The following SDK1 variants were observed in gnomAD, a reference collection of about 807,000 sequenced individuals.
SDK1 encodes the protein sidekick cell adhesion molecule 1, also known as protein sidekick-1.
SDK1 carries 157 observed loss-of-function variants against 245.5 expected under a neutral mutation model. The ratio of observed to expected loss-of-function variants is 0.64; its 90% CI spans 0.56 to 0.73. The LOEUF (loss-of-function observed/expected upper bound fraction) is 0.73. Among genes scored for constraint, SDK1 ranks in the 30% least tolerant of loss-of-function variants. The probability of loss-of-function intolerance (pLI) is 0.00; values close to 1 mark genes in which losing one functional copy is unlikely to be tolerated. For missense variants in SDK1, 3,583 were observed against 3,002.3 expected (o/e 1.19, Z -4.52); for synonymous variants, 1,647 against 1,278.5 (o/e 1.29, Z -6.15).
At chr7:3,332,213 T>C (rs1244426401) in intron 1 of SDK1, among the ~76,000 whole-genome samples, 1 of 152,236 alleles carries the variant, frequency 6.6e-6, no homozygotes, top group African/African-American at 2.4e-5. Flanking sequence ...AAAATTTCTT[T>C]ATTGAATTAT....
At chr7:3,576,856 G>A (rs942737609) in intron 1 of SDK1, among the ~76,000 whole-genome samples, 1 of 152,040 alleles carries the variant, frequency 6.6e-6, no homozygotes, top group African/African-American at 2.4e-5. Flanking sequence ...CAAAGCAGAA[G>A]TTGGTTACTA....
At chr7:3,779,477 A>T (rs1321195780) in intron 4 of SDK1, among the ~76,000 whole-genome samples, 1 of 151,614 alleles carries the variant, frequency 6.6e-6, no homozygotes, top group African/African-American at 2.4e-5. Context: ...AAAAACAAGG[A>T]CAAATTTAAC....
In SDK1 at chr7:4,073,026, C is replaced by G. The variant is rs371995638; in HGVS notation, c.3011-3972C>G. Reference sequence around the variant, plus strand: ...AGACAGTTTGTGATTGGATGCACTGCTCTCTTCTAGAGAATTTACTTTAGA... The same window carrying G: ...AGACAGTTTGTGATTGGATGCACTGGTCTCTTCTAGAGAATTTACTTTAGA... On this transcript the variant is annotated intron_variant, in intron 20 of 44. Coordinates refer to ENST00000404826, the MANE Select transcript of SDK1 (RefSeq NM_152744.4). Among the ~76,000 whole-genome samples the G allele has an allele frequency of 1.2e-4, 18 of 152,372 alleles. No homozygotes were observed. In the South Asian group the frequency reaches 3.3e-3, roughly 28 times the overall value.
intron 5 of SDK1, among the ~76,000 whole-genome samples, chr7:3,903,446 G>A (rs899405582): frequency 2.6e-5 from 4 of 151,938 alleles, no homozygotes; most frequent in Admixed American, 6.6e-5. Context: ...GCGCCCGGCC[G>A]ACAGTTTTTT....
intron 1 of SDK1, among the ~76,000 whole-genome samples, chr7:3,450,827 A>G (rs1443695037): frequency 6.6e-6 from 1 of 152,170 alleles, no homozygotes; most frequent in African/African-American, 2.4e-5. Flanking sequence ...AGGGATGAAG[A>G]TGGAGACATC....
At chr7:4,099,273 C>T (rs972342611) in intron 22 of SDK1, among the ~76,000 whole-genome samples, 2 of 151,112 alleles carry the variant, frequency 1.3e-5, no homozygotes, top group Non-Finnish European at 2.9e-5. Flanking sequence ...GATCGAGAGA[C>T]AAATGGCATT....
At chr7:3,830,570 A>C (rs889584744) in intron 5 of SDK1, among the ~76,000 whole-genome samples, 8 of 152,136 alleles carry the variant, frequency 5.3e-5, no homozygotes, top group Non-Finnish European at 1.0e-4. Context: ...TTCATGGCTC[A>C]CCACAGTCTC....
chr7:3,465,151 TC>T (rs1224901992), intron 1 of SDK1, among the ~76,000 whole-genome samples: 3 of 152,106 alleles, frequency 2.0e-5, no homozygotes, highest in Non-Finnish European at 2.9e-5. Context: ...TGCCTGCACT[TC>T]CGTGTGACAA....
intron 4 of SDK1, among the ~76,000 whole-genome samples, chr7:3,803,056 A>G (rs1168448738): frequency 6.6e-6 from 1 of 152,216 alleles, no homozygotes; most frequent in Non-Finnish European, 1.5e-5. Context: ...AGTATTTTCC[A>G]CTGTGGCTAT....
intron 30 of SDK1, among the ~76,000 whole-genome samples, chr7:4,151,605 T>C (rs994714206): frequency 1.3e-5 from 2 of 152,162 alleles, no homozygotes; most frequent in African/African-American, 4.8e-5. Flanking sequence ...CAGTTAAAGC[T>C]CTGACAGGAC....
intron 1 of SDK1, among the ~76,000 whole-genome samples, chr7:3,426,010 G>A (rs1236743716): frequency 6.6e-6 from 1 of 152,180 alleles, no homozygotes. Flanking sequence ...TACATGGAAG[G>A]ATTATAAAAT....
chr7:3,586,228 T>G (rs1355608897), intron 1 of SDK1, among the ~76,000 whole-genome samples: 1 of 151,850 alleles, frequency 6.6e-6, no homozygotes, highest in East Asian at 1.9e-4. Context: ...AGGTAGGATT[T>G]AAGTCATACA....
chr7:3,401,941 G>T (rs1562464932), intron 1 of SDK1, among the ~76,000 whole-genome samples: 1 of 152,078 alleles, frequency 6.6e-6, no homozygotes, highest in Admixed American at 6.6e-5. Context: ...TTACGTATGT[G>T]TGTAGCTGTC....
chr7:3,346,791 ATGTG>A (rs375659260), intron 1 of SDK1, among the ~76,000 whole-genome samples: 1 of 56,758 alleles, frequency 1.8e-5, no homozygotes, highest in Non-Finnish European at 3.0e-5. Flanking sequence ...ATATATATGT[ATGTG>A]TGTGTGTGTG....
intron 34 of SDK1, among the ~76,000 whole-genome samples, chr7:4,177,851 C>G (rs536495140): frequency 6.6e-6 from 1 of 152,210 alleles, no homozygotes; most frequent in Non-Finnish European, 1.5e-5. Flanking sequence ...TTTCCTGCAA[C>G]TAGACGGTCC....
At chr7:3,630,235 C>T (rs966769375) in intron 2 of SDK1, among the ~76,000 whole-genome samples, 1 of 152,032 alleles carries the variant, frequency 6.6e-6, no homozygotes, top group Admixed American at 6.6e-5. Flanking sequence ...ATTTGCAAAT[C>T]CCAATTACTG....
chr7:3,743,253 G>A (rs936902127), intron 4 of SDK1, among the ~76,000 whole-genome samples: 7 of 152,144 alleles, frequency 4.6e-5, no homozygotes, highest in Admixed American at 2.0e-4. Context: ...ATGCCTGGAC[G>A]TAAATAGCAG....
intron 1 of SDK1, among the ~76,000 whole-genome samples, chr7:3,433,584 C>G (rs931854316): frequency 6.6e-6 from 1 of 152,118 alleles, no homozygotes; most frequent in African/African-American, 2.4e-5. Context: ...TTTTCTAGCA[C>G]AATGACTAAG....
At chr7:3,843,253 A>C (rs963351451) in intron 5 of SDK1, among the ~76,000 whole-genome samples, 4 of 152,244 alleles carry the variant, frequency 2.6e-5, no homozygotes, top group African/African-American at 9.6e-5. Context: ...TTGTAAACTT[A>C]TATTAGCTTC....
Sources: gnomAD v4.1 joint callset for allele counts (sites outside exome capture counted in the v4.1 genomes callset) on GRCh38, gnomAD v4.1.1 for gene constraint, MANE v1.5 for transcripts, NCBI Gene and HGNC (gene_info 2026-07-23, HGNC 2026-07-21) for gene names.